Variants in C1QTNF3 observed in about 807,000 individuals in gnomAD.
C1QTNF3 encodes complement C1q tumor necrosis factor-related protein 3.
Under a neutral mutation model 32.6 loss-of-function variants are expected in C1QTNF3, and 26 were observed. That is an observed-to-expected ratio of 0.80 (90% CI 0.58 to 1.11). C1QTNF3 has a LOEUF of 1.11. Ranked by LOEUF, C1QTNF3 falls within the 50% of genes least tolerant of loss-of-function variation. C1QTNF3 has a pLI of 0.00. For missense variants in C1QTNF3, 362 were observed against 398.2 expected, an observed-to-expected ratio of 0.91 and a Z score of 0.77; for synonymous variants, 155 against 146.0, an observed-to-expected ratio of 1.06 and a Z score of -0.44.
At chr5:34,049,147 A>G in the C1QTNF3 span, among the ~76,000 whole-genome samples, 47 of 152,136 alleles carry the variant, frequency 3.1e-4, no homozygotes, top group African/African-American at 1.1e-3. Context: ...ATGACCTGCT[A>G]ACTGTGTATT....
the C1QTNF3 span, among the ~76,000 whole-genome samples, chr5:34,214,628 C>A: frequency 6.6e-6 from 1 of 151,970 alleles, no homozygotes; most frequent in Admixed American, 6.6e-5. Flanking sequence ...GGTAGTATAG[C>A]ACACCTTTTA....
the C1QTNF3 span, among the ~76,000 whole-genome samples, chr5:34,238,853 AAAT>A: frequency 6.6e-6 from 1 of 152,166 alleles, no homozygotes; most frequent in Non-Finnish European, 1.5e-5. Flanking sequence ...TCACCAAAGT[AAAT>A]ACAAAAGAAA....
the C1QTNF3 span, among the ~76,000 whole-genome samples, chr5:34,213,933 T>G: frequency 6.8e-6 from 1 of 146,684 alleles, no homozygotes; most frequent in Non-Finnish European, 1.5e-5. Flanking sequence ...CGCCTCAGCC[T>G]CCCAAGTGGC....
At chr5:34,121,421 T>G in the C1QTNF3 span, among the ~76,000 whole-genome samples, 1 of 152,036 alleles carries the variant, frequency 6.6e-6, no homozygotes, top group Non-Finnish European at 1.5e-5. Flanking sequence ...CATGGCAGGA[T>G]ATGAAAGGCA....
At chr5:34,126,944 G>C in the C1QTNF3 span, among the ~76,000 whole-genome samples, 2,087 of 152,246 alleles carry the variant, frequency 0.014, 55 homozygotes, top group African/African-American at 0.049. Flanking sequence ...GCATGATAGT[G>C]ATAGAGTTCT....
the C1QTNF3 span, among the ~76,000 whole-genome samples, chr5:34,163,948 G>C: frequency 6.6e-6 from 1 of 152,124 alleles, no homozygotes; most frequent in African/African-American, 2.4e-5. Context: ...AAAACCAATT[G>C]ATTTTTATTT....
At chr5:34,085,422 C>T in the C1QTNF3 span, among the ~76,000 whole-genome samples, 77,417 of 150,616 alleles carry the variant, frequency 0.51, 22,112 homozygotes, top group Non-Finnish European at 0.63. Context: ...AATCCTTTTC[C>T]CATTGCTTGT....
chr5:34,036,865 T>G (rs1307642131), intron 1 of C1QTNF3, among the ~76,000 whole-genome samples: 1 of 151,950 alleles, frequency 6.6e-6, no homozygotes, highest in African/African-American at 2.4e-5. Flanking sequence ...GGCAGGAGAA[T>G]CACTTGAACC....
the C1QTNF3 span, among the ~76,000 whole-genome samples, chr5:34,071,127 C>T: frequency 6.6e-6 from 1 of 152,276 alleles, no homozygotes; most frequent in South Asian, 2.1e-4. Context: ...ACACTAATTG[C>T]CGGTAAACCA....
the C1QTNF3 span, among the ~76,000 whole-genome samples, chr5:34,226,604 T>G: frequency 6.6e-6 from 1 of 151,548 alleles, no homozygotes; most frequent in African/African-American, 2.4e-5. Context: ...AATTGTACAG[T>G]TGACTCCTGA....
the C1QTNF3 span, among the ~76,000 whole-genome samples, chr5:34,123,700 T>C: frequency 3.3e-5 from 5 of 151,736 alleles, no homozygotes; most frequent in Non-Finnish European, 5.9e-5. Context: ...GTAATCACAT[T>C]TGGCTTTGCC....
chr5:34,109,270 A>C, the C1QTNF3 span, among the ~76,000 whole-genome samples: 1 of 146,634 alleles, frequency 6.8e-6, no homozygotes, highest in Non-Finnish European at 1.5e-5. Context: ...AACCTCCAGA[A>C]CTCTAATTTT....
the C1QTNF3 span, among the ~76,000 whole-genome samples, chr5:34,136,350 G>A: frequency 4.9e-4 from 74 of 152,286 alleles, no homozygotes; most frequent in African/African-American, 1.7e-3. Context: ...GAAACGAACA[G>A]ACACTTCCCA....
chr5:34,062,487 A>C, the C1QTNF3 span, among the ~76,000 whole-genome samples: 1 of 152,352 alleles, frequency 6.6e-6, no homozygotes. Context: ...TATGAGAAGG[A>C]GAGCGAGCAG....
chr5:34,223,016 A>G, the C1QTNF3 span, among the ~76,000 whole-genome samples: 1 of 151,848 alleles, frequency 6.6e-6, no homozygotes, highest in Non-Finnish European at 1.5e-5. Flanking sequence ...TTTTTAAAAA[A>G]TGTTATTTTC....
the C1QTNF3 span, among the ~76,000 whole-genome samples, chr5:34,227,384 G>A: frequency 3.3e-5 from 5 of 151,820 alleles, no homozygotes; most frequent in Non-Finnish European, 5.9e-5. Context: ...GTGTGCCTAC[G>A]TCTTGATAAA....
chr5:34,213,791 A>ATG, the C1QTNF3 span, among the ~76,000 whole-genome samples: 2 of 5,434 alleles, frequency 3.7e-4, no homozygotes, highest in Non-Finnish European at 6.7e-4. Flanking sequence ...ATATACATAT[A>ATG]TATATATATA....
chr5:34,206,061 CACAAT>C, the C1QTNF3 span, among the ~76,000 whole-genome samples: 2 of 152,024 alleles, frequency 1.3e-5, no homozygotes, highest in Non-Finnish European at 2.9e-5. Flanking sequence ...ATTTTAGCAA[CACAAT>C]ACATTAATTG....
chr5:34,024,022 G>A lies in C1QTNF3; in HGVS notation c.701-14C>T. ...AGAAATACACACCTGAAAAAAGCAGGTATATATCCATGTTGATATTAACAT... is the reference window on the plus strand; with the variant it reads ...AGAAATACACACCTGAAAAAAGCAGATATATATCCATGTTGATATTAACAT... On this transcript the variant is annotated splice_polypyrimidine_tract_variant and intron_variant, in intron 4 of 5. Coordinates refer to ENST00000382065, the MANE Select transcript of C1QTNF3 (RefSeq NM_181435.6). The A allele has an allele frequency of 6.2e-7, 1 of 1,605,478 alleles. No individual in the cohort carries two copies. The highest frequency in any genetic ancestry group is 1.1e-5 in the South Asian group (1 of 90,738).
Sources: gnomAD v4.1 joint callset for allele counts (sites outside exome capture counted in the v4.1 genomes callset) on GRCh38, gnomAD v4.1.1 for gene constraint, MANE v1.5 for transcripts, NCBI Gene and HGNC (gene_info 2026-07-23, HGNC 2026-07-21) for gene names.